The following SEMA4B variants were observed in gnomAD, a reference collection of about 807,000 sequenced individuals.
SEMA4B encodes the protein semaphorin-4B.
Under a neutral mutation model 88.1 loss-of-function variants are expected in SEMA4B, and 55 were observed. The ratio of observed to expected loss-of-function variants is 0.62; its 90% CI spans 0.50 to 0.78. SEMA4B has a LOEUF of 0.78. SEMA4B is among the 30% of genes least tolerant of loss of function. SEMA4B has a pLI of 0.00. For synonymous variants in SEMA4B, 525 were observed against 473.6 expected (o/e 1.11, Z -1.41); for missense variants, 1,062 against 1,111.9 (o/e 0.96, Z 0.64).
At chr15:90,217,158 T>A (rs1961568563) in intron 1 of SEMA4B, 1 of 307,320 alleles carries the variant, frequency 3.3e-6, no homozygotes, top group Non-Finnish European at 6.0e-6. Context: ...AGGTCCCCTC[T>A]GGTTGGACGG....
rs556960970 is a variant in SEMA4B, at chr15:90,228,728, T to G, written c.*85T>G. 9.6e-6 allele frequency: 15 copies of G among 1,556,104 alleles called. No homozygotes were observed. The South Asian group carries it at 1.5e-4, about 16-fold the overall frequency. On this transcript the variant is annotated 3_prime_UTR_variant, in exon 14 of 14. Coordinates refer to ENST00000411539, the MANE Select transcript of SEMA4B (RefSeq NM_198925.4). Reference sequence around the variant, plus strand: ...CAACTGGACCTCCCCTCCGCTCTGCTCTTCGTGGAACACGACCGTGGTGCC... The same window carrying G: ...CAACTGGACCTCCCCTCCGCTCTGCGCTTCGTGGAACACGACCGTGGTGCC...
intron 1 of SEMA4B, among the ~76,000 whole-genome samples, chr15:90,208,893 C>T (rs1191295219): frequency 6.6e-6 from 1 of 152,076 alleles, no homozygotes; most frequent in African/African-American, 2.4e-5. Context: ...AGGCATATGC[C>T]ACCATGCCCA....
upstream of SEMA4B, among the ~76,000 whole-genome samples, chr15:90,199,988 A>G (rs1450184134): frequency 2.6e-5 from 4 of 152,226 alleles, no homozygotes; most frequent in Non-Finnish European, 4.4e-5. Context: ...GGTGCTGTCC[A>G]TATCCCATGT....
At chr15:90,223,014 A>C (rs1057006005) in intron 7 of SEMA4B, among the ~76,000 whole-genome samples, 1 of 143,764 alleles carries the variant, frequency 7.0e-6, no homozygotes, top group African/African-American at 2.6e-5. Flanking sequence ...TTTGTCATCC[A>C]GGCTGGTGTG....
At position 90,228,913 on chromosome 15, in the gene SEMA4B, C is replaced by A; in HGVS notation, c.*270C>A. 2 of 558,528 alleles carry A rather than the reference C, an allele frequency of 3.6e-6. No homozygotes were observed. Among genetic ancestry groups the A allele is most frequent in the Non-Finnish European group, 6.4e-6 (2 of 314,458 alleles). 34.6% of individuals were successfully genotyped at this position (558,528 alleles called of 1,614,324 possible). On this transcript the variant is annotated 3_prime_UTR_variant, in exon 14 of 14. Transcript: ENST00000411539. ...AACAGTGCTCCTTATGTAAACTGAG[C>A]CCTTTGTTTAAAAAACAATTCCAAA...
chr15:90,191,009 C>A (rs951121372), intron 1 of SEMA4B, among the ~76,000 whole-genome samples: 1 of 152,200 alleles, frequency 6.6e-6, no homozygotes, highest in Non-Finnish European at 1.5e-5. Flanking sequence ...CCTGGACAGG[C>A]GAGTGGGTGC....
At position 90,201,366 on chromosome 15, in the gene SEMA4B, G is replaced by T. The variant is rs1267413529; in HGVS notation, c.-213G>T. ...AGCTCTGCCCAAGCCGAGGCTGCGG[G>T]GCCGGCGCCGGCGGGAGGACTGCGG... On this transcript the variant is annotated 5_prime_UTR_variant, in exon 1 of 14. Coordinates refer to ENST00000411539, the MANE Select transcript of SEMA4B (RefSeq NM_198925.4). 8.0e-7 allele frequency: 1 copy of T among 1,248,862 alleles called. No individual in the cohort carries two copies. The highest frequency in any genetic ancestry group is 1.0e-6 in the Non-Finnish European group (1 of 996,742). The allele number at this position is 1,248,862 out of a possible 1,614,324, so 77.4% of individuals were successfully genotyped here.
intron 1 of SEMA4B, chr15:90,214,948 G>A (rs1438852858): frequency 2.0e-5 from 25 of 1,274,738 alleles, no homozygotes; most frequent in Non-Finnish European, 2.6e-5. Context: ...CTGGGGGTAT[G>A]TAAAAACACT....
chr15:90,225,173 G>A lies in SEMA4B; in HGVS notation c.1400G>A (p.Gly467Asp), dbSNP rs1444339428. 6.3e-7 allele frequency: 1 copy of A among 1,597,882 alleles called. No homozygotes were observed. Among genetic ancestry groups the A allele is most frequent in the Non-Finnish European group, 8.5e-7 (1 of 1,172,300 alleles). ...LHHTYDVLFL[G>D]TGDGRLHKAV... ...CACACCTACGATGTCCTCTTCCTGG[G>A]CACTGGTAAGTGTCTGCAGCCCAGC... Residue 467 changes from glycine (G) to aspartate (D), a missense_variant, in exon 10 of 14, where the codon GGC (glycine) becomes GAC (aspartate). By Grantham distance (94) the Gly-to-Asp change is moderately conservative. Transcript: ENST00000411539.
At position 90,229,410 on chromosome 15, in the gene SEMA4B, C is replaced by T. The variant is rs1456884430; in HGVS notation, c.*767C>T. 2 of 456,388 alleles carry T rather than the reference C, an allele frequency of 4.4e-6. No individual in the cohort carries two copies. The highest frequency in any genetic ancestry group is 2.0e-5 in the African/African-American group (1 of 50,032). The allele number at this position is 456,388 out of a possible 1,614,324, so 28.3% of individuals were successfully genotyped here. A position where few individuals can be genotyped will look rare whatever the true frequency, so the allele number is the denominator to read the frequency against. On this transcript the variant is annotated 3_prime_UTR_variant, in exon 14 of 14. Transcript: ENST00000411539. ...TGTCGCCTGCCTTCCTCCGTTGTTG[C>T]GTGAGAACCCGTGTGCCCCTTCCCA...
chr15:90,185,439 T>C (rs1012469117), intron 1 of SEMA4B, among the ~76,000 whole-genome samples: 1 of 152,286 alleles, frequency 6.6e-6, no homozygotes, highest in Non-Finnish European at 1.5e-5. Flanking sequence ...GTCGTGGATA[T>C]GACCTCCGAG....
chr15:90,200,038 ATGC>A (rs1213596230), upstream of SEMA4B, among the ~76,000 whole-genome samples: 14 of 152,130 alleles, frequency 9.2e-5, no homozygotes, highest in Admixed American at 1.3e-4. Context: ...TTTAAAAGGG[ATGC>A]TGCTAGCCTG....
In SEMA4B at chr15:90,229,541, C is replaced by T. The variant is rs562320768; in HGVS notation, c.*898C>T. On this transcript the variant is annotated 3_prime_UTR_variant, in exon 14 of 14. Transcript: ENST00000411539. ...ACCCTCCATCCCTCACCTTCCTCCA[C>T]TCTAAGGGATATCAACACTGCCCAG... is the stretch of plus-strand genomic sequence containing the variant. 67 of 387,460 alleles carry T rather than the reference C, an allele frequency of 1.7e-4. No individual in the cohort carries two copies. The highest frequency in any genetic ancestry group is 1.2e-3 in the African/African-American group (59 of 48,218). The allele number at this position is 387,460 out of a possible 1,614,324, so 24.0% of individuals were successfully genotyped here. A position where few individuals can be genotyped will look rare whatever the true frequency, so the allele number is the denominator to read the frequency against.
chr15:90,190,018 G>C (rs1003811537), intron 1 of SEMA4B, among the ~76,000 whole-genome samples: 1 of 152,198 alleles, frequency 6.6e-6, no homozygotes, highest in Non-Finnish European at 1.5e-5. Flanking sequence ...ATGTGGCCCC[G>C]TGGGTGCGTC....
intron 1 of SEMA4B, among the ~76,000 whole-genome samples, chr15:90,205,453 A>G (rs1960944214): frequency 6.6e-6 from 1 of 152,268 alleles, no homozygotes; most frequent in Non-Finnish European, 1.5e-5. Flanking sequence ...GCGGATGCTC[A>G]GAGCCTGGCT....
chr15:90,208,375 C>T (rs1309512102), intron 1 of SEMA4B, among the ~76,000 whole-genome samples: 1 of 152,166 alleles, frequency 6.6e-6, no homozygotes, highest in African/African-American at 2.4e-5. Context: ...ACCCCCATTC[C>T]GTGTAGCAGC....
chr15:90,228,255 G>T lies in SEMA4B; in HGVS notation c.2126G>T (p.Gly709Val). The T allele has an allele frequency of 1.3e-6, 2 of 1,595,496 alleles. No homozygotes were observed. Among genetic ancestry groups the T allele is most frequent in the Non-Finnish European group, 1.7e-6 (2 of 1,170,066 alleles). Reference sequence around the variant, plus strand: ...CCAGCTGGTGGCAAGGCCAGCTGGGGTGCAGACAGGTCCTACTGGAAGGAG... The same window carrying T: ...CCAGCTGGTGGCAAGGCCAGCTGGGTTGCAGACAGGTCCTACTGGAAGGAG... ...SAPAGGKASW[G>V]ADRSYWKEFL... is the part of the protein sequence containing the mutation. Residue 709 changes from glycine to valine, a missense_variant, in exon 14 of 14, where the codon GGT (glycine) becomes GTT (valine). Transcript: ENST00000411539.
intron 1 of SEMA4B, chr15:90,206,647 C>G (rs1012774231): frequency 3.0e-6 from 2 of 662,474 alleles, no homozygotes; most frequent in African/African-American, 3.6e-5. Context: ...AGACAGCCCT[C>G]ATCCACGATG....
chr15:90,220,909 C>T (rs1961795793), intron 4 of SEMA4B, 73 bp from the exon 5 acceptor site: 2 of 992,518 alleles, frequency 2.0e-6, no homozygotes, highest in African/African-American at 3.2e-5. Flanking sequence ...TCCTGCACGC[C>T]TCTCTCTTTC....
Sources: allele counts gnomAD v4.1 joint callset (sites outside exome capture counted in the v4.1 genomes callset), GRCh38; gene constraint gnomAD v4.1.1; transcripts MANE v1.5; gene names NCBI Gene and HGNC (gene_info 2026-07-23, HGNC 2026-07-21).